The following CHD1 variants were observed in gnomAD, a reference collection of about 807,000 sequenced individuals.
CHD1 encodes the protein chromodomain helicase DNA binding protein 1, also known as ATP-dependent chromatin remodeler CHD1.
CHD1 carries 36 observed loss-of-function variants against 224.2 expected under a neutral mutation model. The observed-to-expected ratio is 0.16, with a 90% confidence interval of 0.12 to 0.21. The LOEUF is 0.21. Ranked by LOEUF, CHD1 falls within the 10% of genes least tolerant of loss-of-function variation. The pLI is 1.00. For missense variants in CHD1, 1,378 were observed against 1,994.8 expected (o/e 0.69, Z 5.89); for synonymous variants, 668 against 658.3 (o/e 1.01, Z -0.23).
Position 98,869,885 on chromosome 5 carries a change from A to G in CHD1, c.3979-3T>C. ...GCTTTTCTCCTCTTTGAACTTCCCT[A>G]AAAATCATTATTTTAATTTTAACCA... On this transcript the variant is annotated splice_polypyrimidine_tract_variant and splice_region_variant and intron_variant, in intron 29 of 35. Coordinates refer to ENST00000614616, the MANE Select transcript of CHD1 (RefSeq NM_001270.4). The G allele has an allele frequency of 6.3e-7, 1 of 1,582,714 alleles. No individual in the cohort carries two copies. Among genetic ancestry groups the G allele is most frequent in the Non-Finnish European group, 8.6e-7 (1 of 1,159,716 alleles).
intron 26 of CHD1, among the ~76,000 whole-genome samples, 159 bp from the exon 27 acceptor site, chr5:98,872,714 G>C (rs536062004): frequency 1.3e-5 from 2 of 152,220 alleles, no homozygotes; most frequent in Non-Finnish European, 2.9e-5. Context: ...CATTACATAT[G>C]AACAAGTGAT....
chr5:98,893,321 G>A, intron 14 of CHD1, 95 bp downstream of exon 14: 5 of 728,686 alleles, frequency 6.9e-6, no homozygotes, highest in Non-Finnish European at 8.5e-6. Flanking sequence ...TAATCTTTTA[G>A]GGCAATAAAA....
intron 9 of CHD1, 34 bp from the exon 10 acceptor site, chr5:98,898,468 A>T (rs768498438): frequency 3.5e-6 from 5 of 1,448,142 alleles, no homozygotes; most frequent in Admixed American, 2.6e-5. Context: ...TTATTTATTT[A>T]TTTTTTTTTA....
At position 98,926,262 on chromosome 5, in the gene CHD1, T is replaced by G. The variant is rs905848911; in HGVS notation, c.53+72A>C. On this transcript the variant is annotated intron_variant, in intron 2 of 35. Transcript: ENST00000614616. ...TATGAGGAAAACTAAATAACAACAA[T>G]AACAATAAAGAAAAAAGTCAAGTTT... 4 of 921,446 alleles carry G rather than the reference T, an allele frequency of 4.3e-6. 1 individual carries two copies. The South Asian group carries it at 6.5e-5, about 15-fold the overall frequency. The allele number at this position is 921,446 out of a possible 1,614,324, so 57.1% of individuals were successfully genotyped here.
rs1315987784 is a variant in CHD1, at chr5:98,869,630, A to ACG, written c.4107+123_4107+124insCG. ...CGTGCGCACGTGCGCGCGCACACACACACACACACACACACACACACAGAC... is the reference window on the plus strand; with the variant it reads ...CGTGCGCACGTGCGCGCGCACACACACGCACACACACACACACACACACAGAC... On this transcript the variant is annotated intron_variant, in intron 30 of 35. Transcript: ENST00000614616. 6 of 684,036 alleles carry ACG rather than the reference A, an allele frequency of 8.8e-6. No homozygotes were observed. The Admixed American group carries it at 2.0e-4, about 22-fold the overall frequency. The allele number at this position is 684,036 out of a possible 1,614,324, so 42.4% of individuals were successfully genotyped here. A position where few individuals can be genotyped will look rare whatever the true frequency, so the allele number is the denominator to read the frequency against.
intron 3 of CHD1, 97 bp from the exon 4 acceptor site, chr5:98,904,005 T>A (rs937754455): frequency 1.0e-5 from 7 of 696,714 alleles, no homozygotes; most frequent in African/African-American, 9.0e-5. Context: ...CTTTACTGCC[T>A]CAAAGTAATA....
At chr5:98,890,435 AATTT>A (rs1390628590) in intron 15 of CHD1, among the ~76,000 whole-genome samples, 1 of 152,260 alleles carries the variant, frequency 6.6e-6, no homozygotes, top group East Asian at 1.9e-4. Flanking sequence ...ATCCAGAAAA[AATTT>A]ATTATTAATT....
Position 98,881,353 on chromosome 5 carries a change from C to A in CHD1, c.2890G>T (p.Glu964Ter), listed in dbSNP as rs866912027. The change falls in exon 21 of 36, where the codon GAG (glutamate) becomes TAG (stop). Residue 964 changes from glutamate (E) to a stop codon, truncating the protein, a stop_gained. Coordinates refer to ENST00000614616, the MANE Select transcript of CHD1 (RefSeq NM_001270.4). LOFTEE classifies it high-confidence loss of function. ...PSSSTPFNKE[E>*]LSAILKFGAE... is the part of the protein sequence containing the mutation. ...CCAAACTTTAAAATGGCTGATAACT[C>A]TTCTTTATTGAAAGGAGTAGAACTA... is the stretch of plus-strand genomic sequence containing the variant. 1 of 1,519,036 alleles carries A rather than the reference C, an allele frequency of 6.6e-7. No homozygotes were observed. 94.1% of individuals were successfully genotyped at this position (1,519,036 alleles called of 1,614,324 possible). A position where few individuals can be genotyped will look rare whatever the true frequency, so the allele number is the denominator to read the frequency against.
rs72775611 is a variant in CHD1 at position 98,858,288 on chromosome 5, C to T, written c.4679G>A (p.Arg1560Gln). 716 of 1,612,858 alleles carry T rather than the reference C, an allele frequency of 4.4e-4. No homozygotes were observed. The highest frequency in any genetic ancestry group is 5.7e-4 in the Non-Finnish European group (673 of 1,179,050). ...TTTTTTGTAAGAATCTCCCTGATGT[C>T]GGTCTTTATGATGATCATGGTACTG... The part of the protein sequence containing the change: ...LTQYHDHHKD[R>Q]HQGDSYKKSD... Residue 1560 changes from arginine (R) to glutamine (Q), a missense_variant, in exon 35 of 36, where the codon CGA (arginine) becomes CAA (glutamine). Around this residue, in one of 16 missense-constraint regions of CHD1, gnomAD observed 278 missense variants for 298.5 expected, o/e 0.93. Transcript: ENST00000614616.
In CHD1 at chr5:98,858,308, G is replaced by A; in HGVS notation, c.4659C>T (p.Tyr1553=). Residue 1553 remains tyrosine, a synonymous_variant, in exon 35 of 36, where the codon TAC becomes TAT. Coordinates refer to ENST00000614616, the MANE Select transcript of CHD1 (RefSeq NM_001270.4). ...SYSSDRHLTQ[Y]HDHHKDRHQG... ...GATGTCGGTCTTTATGATGATCATG[G>A]TACTGAGTTAAGTGTCTATCAGAGG... 3 of 1,612,966 alleles carry A rather than the reference G, an allele frequency of 1.9e-6. No homozygotes were observed. The highest frequency in any genetic ancestry group is 1.1e-5 in the South Asian group (1 of 91,062).
Position 98,903,900 on chromosome 5 carries a change from T to C in CHD1, c.264A>G (p.Lys88=). 1 of 1,586,422 alleles carries C rather than the reference T, an allele frequency of 6.3e-7. No homozygotes were observed. Among genetic ancestry groups the C allele is most frequent in the Non-Finnish European group, 8.6e-7 (1 of 1,161,368 alleles). Residue 88 remains lysine, a synonymous_variant, in exon 4 of 36, where the codon AAA becomes AAG. Coordinates refer to ENST00000614616, the MANE Select transcript of CHD1 (RefSeq NM_001270.4). ...GAACGGCCAGAATACTAGGACTAGA[T>C]TTCCAAAACTATAATAGAAATATAA... The part of the protein sequence containing the change: ...PPKVDGAEFW[K]SSPSILAVQR...
At chr5:98,868,989 ACATT>A in intron 30 of CHD1, 2 of 807,744 alleles carry the variant, frequency 2.5e-6, no homozygotes, top group South Asian at 1.1e-4. Context: ...TTTACTTTCT[ACATT>A]TTTTATTATG....
chr5:98,907,095 A>G (rs1752091906), intron 2 of CHD1, among the ~76,000 whole-genome samples: 2 of 152,216 alleles, frequency 1.3e-5, no homozygotes, highest in African/African-American at 4.8e-5. Context: ...GCTTGTTAAC[A>G]AATCAAAATT....
rs767784316 is a variant in CHD1 at position 98,894,582 on chromosome 5, GAAAT to G, written c.1800+11_1800+14del. On this transcript the variant is annotated intron_variant, in intron 13 of 35. Coordinates refer to ENST00000614616, the MANE Select transcript of CHD1 (RefSeq NM_001270.4). ...ATATACAAGAGACCAAAACACGTGA[GAAAT>G]AAATACATACCTTATCTTTTAATAA... is the stretch of plus-strand genomic sequence containing the variant. 1 of 1,067,896 alleles carries G rather than the reference GAAAT, an allele frequency of 9.4e-7. No individual in the cohort carries two copies. Among genetic ancestry groups the G allele is most frequent in the African/African-American group, 1.6e-5 (1 of 61,592 alleles). 66.2% of individuals were successfully genotyped at this position (1,067,896 alleles called of 1,614,324 possible).
intron 30 of CHD1, chr5:98,868,860 TCAGAC>T: frequency 1.9e-6 from 1 of 536,772 alleles, no homozygotes; most frequent in Non-Finnish European, 2.8e-6. Flanking sequence ...TAAAGAGTGT[TCAGAC>T]CTACTATTCT....
chr5:98,892,347 T>C (rs1383682138), intron 15 of CHD1, among the ~76,000 whole-genome samples, 178 bp downstream of exon 15: 1 of 152,194 alleles, frequency 6.6e-6, no homozygotes, highest in African/African-American at 2.4e-5. Flanking sequence ...TAATTTTGGA[T>C]ATGTCATTAA....
At chr5:98,858,893 GGTTT>G (rs766079748) in intron 34 of CHD1, 67 bp downstream of exon 34, 37 of 934,742 alleles carry the variant, frequency 4.0e-5, no homozygotes, top group Admixed American at 1.6e-4. Context: ...TTTATCATTT[GGTTT>G]ATTTAAAACA....
rs1561488198 is a variant in CHD1, at chr5:98,869,794, G to T, written c.4067C>A (p.Ser1356Tyr). The stretch of plus-strand genomic sequence containing the variant: ...ATCAGACTTCTCTGAAGGCAGAGGA[G>T]AAGAATCACTCTTTATTTCCTCTTT... ...KVKEEIKSDS[S>Y]PLPSEKSDED... Residue 1356 changes from serine (S) to tyrosine (Y), a missense_variant, in exon 30 of 36, where the codon TCT (serine) becomes TAT (tyrosine). By Grantham distance (144) the Ser-to-Tyr change is moderately radical (BLOSUM62 -2). This residue lies in a region of CHD1 where 105 missense variants were observed against 93.4 expected (regional missense o/e 1.12). Transcript: ENST00000614616. 1 of 1,613,060 alleles carries T rather than the reference G, an allele frequency of 6.2e-7. No homozygotes were observed.
At chr5:98,927,812 T>C (rs1753575283) in intron 1 of CHD1, among the ~76,000 whole-genome samples, 2 of 152,044 alleles carry the variant, frequency 1.3e-5, no homozygotes, top group Non-Finnish European at 2.9e-5. Context: ...TAACTTCCTT[T>C]CCCCTCCATC....
Sources: allele counts gnomAD v4.1 joint callset (sites outside exome capture counted in the v4.1 genomes callset), GRCh38; gene constraint gnomAD v4.1.1; regional missense constraint gnomAD v4.1.1; transcripts MANE v1.5; gene names NCBI Gene and HGNC (gene_info 2026-07-23, HGNC 2026-07-21).